The following ARHGEF26 variants were observed in gnomAD, a reference collection of about 807,000 sequenced individuals.
ARHGEF26 encodes Rho guanine nucleotide exchange factor (GEF) 26.
A neutral mutation model predicts 89.4 loss-of-function variants in ARHGEF26; 59 were observed. The ratio of observed to expected loss-of-function variants is 0.66; its 90% CI spans 0.54 to 0.82. The LOEUF (loss-of-function observed/expected upper bound fraction) is 0.82. ARHGEF26 is among the 40% of genes least tolerant of loss of function. The probability of loss-of-function intolerance (pLI) is 0.00; values close to 1 mark genes in which losing one functional copy is unlikely to be tolerated. For synonymous variants in ARHGEF26, 500 were observed against 428.4 expected (o/e 1.17, Z -2.06); for missense variants, 1,234 against 1,085.6 (o/e 1.14, Z -1.92).
rs1055108113 is a variant in ARHGEF26, at chr3:154,132,240, G to A, written c.1269+2521G>A. 3.3e-5 allele frequency among the ~76,000 whole-genome samples: 5 copies of A among 152,066 alleles called. No homozygotes were observed. In the South Asian group the frequency reaches 1.0e-3, roughly 32 times the overall value. Reference sequence around the variant, plus strand: ...ATAGAAAAATTAAAAAATAAATAAAGTTAATCAATTTCTGTGTACCTATCA... The same window carrying A: ...ATAGAAAAATTAAAAAATAAATAAAATTAATCAATTTCTGTGTACCTATCA... On this transcript the variant is annotated intron_variant, in intron 4 of 14. Coordinates refer to ENST00000465093, the MANE Select transcript of ARHGEF26 (RefSeq NM_015595.4).
At chr3:154,167,245 T>A (rs1006414947) in intron 6 of ARHGEF26, among the ~76,000 whole-genome samples, 4 of 152,200 alleles carry the variant, frequency 2.6e-5, no homozygotes, top group African/African-American at 9.7e-5. Flanking sequence ...TACCAGGCAC[T>A]GTGCTAGGCA....
chr3:154,248,008 GCA>G (rs1426481238), intron 12 of ARHGEF26, among the ~76,000 whole-genome samples: 1 of 152,190 alleles, frequency 6.6e-6, no homozygotes, highest in Non-Finnish European at 1.5e-5. Context: ...TTAAAATGAA[GCA>G]CAGACAGCTG....
intron 6 of ARHGEF26, among the ~76,000 whole-genome samples, chr3:154,155,344 A>G (rs1720267382): frequency 6.6e-6 from 1 of 152,064 alleles, no homozygotes; most frequent in South Asian, 2.1e-4. Flanking sequence ...ATGCTCGCTG[A>G]AACACAAGAA....
At chr3:154,231,447 G>A (rs1294250275) in intron 11 of ARHGEF26, among the ~76,000 whole-genome samples, 1 of 152,114 alleles carries the variant, frequency 6.6e-6, no homozygotes, top group Non-Finnish European at 1.5e-5. Context: ...TCTGTAATAT[G>A]GGGATAATAA....
At chr3:154,247,725 A>G (rs1717887305) in intron 12 of ARHGEF26, among the ~76,000 whole-genome samples, 1 of 152,134 alleles carries the variant, frequency 6.6e-6, no homozygotes, top group South Asian at 2.1e-4. Context: ...GTTTTTCCCA[A>G]ATTTTACTTG....
chr3:154,122,067 GC>G lies in ARHGEF26; in HGVS notation c.79del (p.His27ThrfsTer21). 11 of 1,612,846 alleles carry G rather than the reference GC, an allele frequency of 6.8e-6. No individual in the cohort carries two copies. The highest frequency in any genetic ancestry group is 8.5e-6 in the Non-Finnish European group (10 of 1,179,410). ...TGTGGCGGAGGCGGTCGATTCCTCA[GC>G]CCCACCAGGTTCTGGGCCGGAGCAA... ...PLWRRRSIPQ[P>X]HQVLGRSKPR... On this transcript the variant is annotated frameshift_variant, in exon 2 of 15. Coordinates refer to ENST00000465093, the MANE Select transcript of ARHGEF26 (RefSeq NM_015595.4). LOFTEE classifies it high-confidence loss of function.
chr3:154,183,969 TTTTC>T (rs1713337634), intron 6 of ARHGEF26, among the ~76,000 whole-genome samples: 1 of 143,510 alleles, frequency 7.0e-6, no homozygotes, highest in African/African-American at 2.5e-5. Context: ...CTTTTTTCAA[TTTTC>T]TTTCTTTTTT....
At chr3:154,237,600 T>C (rs1717201694) in intron 11 of ARHGEF26, among the ~76,000 whole-genome samples, 1 of 151,956 alleles carries the variant, frequency 6.6e-6, no homozygotes, top group African/African-American at 2.4e-5. Context: ...TATTAGCTTA[T>C]ATTCATTTTC....
In ARHGEF26 at chr3:154,254,714, C is replaced by A; in HGVS notation, c.2369-6C>A. The A allele has an allele frequency of 6.2e-7, 1 of 1,612,984 alleles. No individual in the cohort carries two copies. The highest frequency in any genetic ancestry group is 8.5e-7 in the Non-Finnish European group (1 of 1,179,126). On this transcript the variant is annotated splice_polypyrimidine_tract_variant and splice_region_variant and intron_variant, in intron 13 of 14. Transcript: ENST00000465093. ...GGAAACTTAGTATGTCCTCTTTTGG[C>A]CTCAGCACTGACCCAGGTGGAAATC...
At chr3:154,233,095 T>C (rs1716914646) in intron 11 of ARHGEF26, among the ~76,000 whole-genome samples, 2 of 152,064 alleles carry the variant, frequency 1.3e-5, no homozygotes, top group Non-Finnish European at 2.9e-5. Flanking sequence ...CCTCCCAGAG[T>C]GCTGGGATTA....
intron 13 of ARHGEF26, among the ~76,000 whole-genome samples, chr3:154,253,994 C>G (rs969336069): frequency 9.2e-5 from 14 of 152,210 alleles, no homozygotes; most frequent in Non-Finnish European, 2.9e-5. Flanking sequence ...CAGCTCACTG[C>G]AAGCTCCGTC....
chr3:154,149,016 T>C (rs1275982260), intron 4 of ARHGEF26, among the ~76,000 whole-genome samples: 1 of 152,136 alleles, frequency 6.6e-6, no homozygotes, highest in African/African-American at 2.4e-5. Flanking sequence ...ACTAAAAGCA[T>C]GAGCCCTGGA....
chr3:154,206,209 C>T (rs1238137530), intron 9 of ARHGEF26, among the ~76,000 whole-genome samples: 1 of 152,142 alleles, frequency 6.6e-6, no homozygotes, highest in African/African-American at 2.4e-5. Context: ...ATATGTCATG[C>T]CCCTCTCTCC....
chr3:154,257,100 C>T lies in ARHGEF26; in HGVS notation c.*1627C>T. ...TATCCAAATTGTAAAGCTACAGAAG[C>T]CCAGTTGAGGGGTAAGTGTGCCTGG... is the stretch of plus-strand genomic sequence containing the variant. On this transcript the variant is annotated 3_prime_UTR_variant, in exon 15 of 15. Transcript: ENST00000465093. 8.1e-7 allele frequency: 1 copy of T among 1,233,230 alleles called. No individual in the cohort carries two copies. The highest frequency in any genetic ancestry group is 1.1e-6 in the Non-Finnish European group (1 of 927,690). The allele number at this position is 1,233,230 out of a possible 1,614,324, so 76.4% of individuals were successfully genotyped here. A position where few individuals can be genotyped will look rare whatever the true frequency, so the allele number is the denominator to read the frequency against.
intron 8 of ARHGEF26, among the ~76,000 whole-genome samples, chr3:154,193,659 T>G (rs1359709667): frequency 6.6e-6 from 1 of 152,216 alleles, no homozygotes; most frequent in Non-Finnish European, 1.5e-5. Flanking sequence ...ATAAACACTT[T>G]CAGTAATTAA....
At position 154,255,865 on chromosome 3, in the gene ARHGEF26, C is replaced by T; in HGVS notation, c.*392C>T. 1.0e-6 allele frequency: 1 copy of T among 1,001,976 alleles called. No homozygotes were observed. The highest frequency in any genetic ancestry group is 1.2e-6 in the Non-Finnish European group (1 of 840,850). 62.1% of individuals were successfully genotyped at this position (1,001,976 alleles called of 1,614,324 possible). A position where few individuals can be genotyped will look rare whatever the true frequency, so the allele number is the denominator to read the frequency against. On this transcript the variant is annotated 3_prime_UTR_variant, in exon 15 of 15. Coordinates refer to ENST00000465093, the MANE Select transcript of ARHGEF26 (RefSeq NM_015595.4). ...CTTTATACATCCTTGTATGGTTCTC[C>T]CAGTATTAGCAAGATTGTATATCTG...
At chr3:154,156,157 A>AAGT (rs1220321671) in intron 6 of ARHGEF26, among the ~76,000 whole-genome samples, 5 of 152,054 alleles carry the variant, frequency 3.3e-5, no homozygotes, top group African/African-American at 1.2e-4. Flanking sequence ...AGGAAATGAG[A>AAGT]AACAAGCAGT....
chr3:154,163,266 C>A (rs1185694965), intron 6 of ARHGEF26, among the ~76,000 whole-genome samples: 1 of 152,104 alleles, frequency 6.6e-6, no homozygotes, highest in African/African-American at 2.4e-5. Flanking sequence ...TACATCATTT[C>A]ACTTAGAGTC....
At chr3:154,193,698 G>A (rs1410294033) in intron 8 of ARHGEF26, among the ~76,000 whole-genome samples, 5 of 152,160 alleles carry the variant, frequency 3.3e-5, no homozygotes, top group Non-Finnish European at 1.5e-5. Flanking sequence ...GAATGTGTGT[G>A]TATAGCTTTA....
Sources: gnomAD v4.1 joint callset for allele counts (sites outside exome capture counted in the v4.1 genomes callset) on GRCh38, gnomAD v4.1.1 for gene constraint, MANE v1.5 for transcripts, NCBI Gene and HGNC (gene_info 2026-07-23, HGNC 2026-07-21) for gene names.